Variants in HDAC9 observed in about 807,000 individuals in gnomAD.
HDAC9 encodes the protein MEF-2 interacting transcription repressor (MITR) protein.
Under a neutral mutation model 139.4 loss-of-function variants are expected in HDAC9, and 41 were observed. The ratio of observed to expected loss-of-function variants is 0.29; its 90% CI spans 0.23 to 0.38. The LOEUF (loss-of-function observed/expected upper bound fraction) is 0.38, where lower values mean the gene tolerates loss of function less well. Among genes scored for constraint, HDAC9 ranks in the 10% least tolerant of loss-of-function variants. The pLI is 1.00. For synonymous variants in HDAC9, 517 were observed against 476.2 expected (o/e 1.09, Z -1.12); for missense variants, 1,147 against 1,297.0 (o/e 0.88, Z 1.78).
At chr7:18,140,847 C>A (rs1169150274) in intron 1 of HDAC9, among the ~76,000 whole-genome samples, 1 of 150,334 alleles carries the variant, frequency 6.7e-6, no homozygotes, top group Non-Finnish European at 1.5e-5. Flanking sequence ...AAAGCAATTT[C>A]TTTGACACAG....
intron 1 of HDAC9, among the ~76,000 whole-genome samples, chr7:18,118,035 T>G (rs1208872376): frequency 6.6e-6 from 1 of 152,196 alleles, no homozygotes; most frequent in African/African-American, 2.4e-5. Flanking sequence ...CTTGTCAGTG[T>G]GATGAGGATC....
At chr7:18,536,935 A>G (rs1248128404) in intron 2 of HDAC9, among the ~76,000 whole-genome samples, 2 of 152,194 alleles carry the variant, frequency 1.3e-5, no homozygotes, top group African/African-American at 4.8e-5. Context: ...ATAAAATACT[A>G]TGTGTATATC....
At chr7:18,199,831 T>TGGGAGCGAG (rs2128158709) in intron 2 of HDAC9, among the ~76,000 whole-genome samples, 1 of 147,902 alleles carries the variant, frequency 6.8e-6, no homozygotes, top group South Asian at 2.1e-4. Flanking sequence ...GAGGCTGAGA[T>TGGGAGCGAG]GGGAGCGAGG....
At chr7:18,669,907 C>T (rs1303105909) in intron 12 of HDAC9, among the ~76,000 whole-genome samples, 1 of 151,744 alleles carries the variant, frequency 6.6e-6, no homozygotes, top group South Asian at 2.1e-4. Context: ...TGCTACTTTT[C>T]ATAGATCTGA....
Position 18,377,019 on chromosome 7 carries a change from C to G in HDAC9, c.-42+86504C>G, listed in dbSNP as rs546536099. ...GAATTAAAGAGACTGTAAAGTAGTC[C>G]TTGGCTAGAGATACAGTGTTGACAG... On this transcript the variant is annotated intron_variant, in intron 1 of 3. Transcript: ENST00000413509. Among the ~76,000 whole-genome samples, 8 of 152,150 alleles carry G rather than the reference C, an allele frequency of 5.3e-5. No homozygotes were observed. The South Asian group carries it at 1.7e-3, about 32-fold the overall frequency.
At chr7:18,361,949 G>A (rs904034064) in intron 1 of HDAC9, among the ~76,000 whole-genome samples, 3 of 152,156 alleles carry the variant, frequency 2.0e-5, no homozygotes, top group South Asian at 2.1e-4. Flanking sequence ...CCAGCTCCCC[G>A]CCCTTCTGGA....
intron 2 of HDAC9, among the ~76,000 whole-genome samples, chr7:18,188,878 C>G (rs902270614): frequency 6.6e-6 from 1 of 152,116 alleles, no homozygotes; most frequent in African/African-American, 2.4e-5. Context: ...AATAGGAATG[C>G]TTTTACACTG....
chr7:18,255,626 C>CTTTTTT (rs11386457), intron 2 of HDAC9, among the ~76,000 whole-genome samples: 3 of 113,606 alleles, frequency 2.6e-5, no homozygotes, highest in Non-Finnish European at 5.1e-5. Flanking sequence ...TTTTTCTTTC[C>CTTTTTT]TTTTTTTTTT....
intron 1 of HDAC9, among the ~76,000 whole-genome samples, chr7:18,392,313 TCTCACACA>T (rs1187614286): frequency 1.0e-3 from 112 of 111,230 alleles, no homozygotes; most frequent in African/African-American, 3.2e-3. Flanking sequence ...TCTCTCTCTC[TCTCACACA>T]CACACACACA....
In HDAC9 at chr7:18,394,100, T is replaced by C. The variant is rs938941590; in HGVS notation, c.-41-102162T>C. Reference sequence around the variant, plus strand: ...AGTCTACCTCCCTATTAAAAGTGAGTGTGTCAGGTTTCTGTGTACCTTAGT... The same window carrying C: ...AGTCTACCTCCCTATTAAAAGTGAGCGTGTCAGGTTTCTGTGTACCTTAGT... On this transcript the variant is annotated intron_variant, in intron 1 of 3. Transcript: ENST00000413509. Among the ~76,000 whole-genome samples the C allele has an allele frequency of 2.6e-5, 4 of 152,118 alleles. No homozygotes were observed. The East Asian group carries it at 5.8e-4, about 22-fold the overall frequency.
rs551414444 is a variant in HDAC9, at chr7:18,854,616, A to G, written c.2684+18619A>G. ...ATGGCTGTAAGAGAAAGAAACAAAG[A>G]GAAATAGAGGACAAAGACACTACTC... On this transcript the variant is annotated intron_variant, in intron 21 of 25. Coordinates refer to ENST00000686413, the MANE Select transcript of HDAC9 (RefSeq NM_178425.4). Among the ~76,000 whole-genome samples, 3 of 147,644 alleles carry G rather than the reference A, an allele frequency of 2.0e-5. No individual in the cohort carries two copies. The East Asian group carries it at 5.8e-4, about 28-fold the overall frequency.
chr7:18,874,191 C>T (rs752178352), intron 21 of HDAC9, among the ~76,000 whole-genome samples: 7 of 150,170 alleles, frequency 4.7e-5, no homozygotes, highest in Admixed American at 6.6e-5. Flanking sequence ...CAGCCACAGA[C>T]GTATGTGTAA....
chr7:18,419,500 T>C (rs1024819719), intron 1 of HDAC9, among the ~76,000 whole-genome samples: 3 of 152,188 alleles, frequency 2.0e-5, no homozygotes, highest in African/African-American at 7.2e-5. Flanking sequence ...TAAGTTTTAG[T>C]GTTTTCCACT....
At chr7:18,977,919 G>GACACACACACACACACACAC (rs147049392) in intron 25 of HDAC9, among the ~76,000 whole-genome samples, 2 of 140,930 alleles carry the variant, frequency 1.4e-5, no homozygotes, top group African/African-American at 5.4e-5. Context: ...CAGACAGACA[G>GACACACACACACACACACAC]ACACACACAC....
At chr7:18,978,088 G>A (rs566339213) in intron 25 of HDAC9, among the ~76,000 whole-genome samples, 11 of 152,194 alleles carry the variant, frequency 7.2e-5, no homozygotes, top group Admixed American at 2.6e-4. Flanking sequence ...TGGCGGAAAC[G>A]TTTCTGGGCT....
intron 1 of HDAC9, among the ~76,000 whole-genome samples, chr7:18,392,784 G>C (rs1181002087): frequency 6.6e-6 from 1 of 151,954 alleles, no homozygotes; most frequent in Non-Finnish European, 1.5e-5. Flanking sequence ...ATATGATTTA[G>C]ACTAGAAAGA....
At chr7:18,410,365 T>C (rs1254538982) in intron 1 of HDAC9, among the ~76,000 whole-genome samples, 1 of 152,206 alleles carries the variant, frequency 6.6e-6, no homozygotes, top group Non-Finnish European at 1.5e-5. Context: ...GAAGTAATGC[T>C]GGATGAACAA....
chr7:18,656,696 A>G (rs1297859688), intron 11 of HDAC9, among the ~76,000 whole-genome samples: 2 of 152,150 alleles, frequency 1.3e-5, no homozygotes, highest in African/African-American at 4.8e-5. Flanking sequence ...CTTATACAGT[A>G]TTTATATTCT....
chr7:18,153,980 G>T (rs1786981776), intron 1 of HDAC9, among the ~76,000 whole-genome samples: 1 of 152,178 alleles, frequency 6.6e-6, no homozygotes, highest in Non-Finnish European at 1.5e-5. Context: ...TGAGTAAAAC[G>T]ATCAGTGATA....
Sources: gnomAD v4.1 joint callset for allele counts (sites outside exome capture counted in the v4.1 genomes callset) on GRCh38, gnomAD v4.1.1 for gene constraint, MANE v1.5 for transcripts, NCBI Gene and HGNC (gene_info 2026-07-23, HGNC 2026-07-21) for gene names.